Variants in GRIK4 observed in about 807,000 individuals in gnomAD.
The protein encoded by GRIK4 is glutamate ionotropic receptor kainate type subunit 4, also known as glutamate receptor ionotropic, kainate 4.
A neutral mutation model predicts 104.9 loss-of-function variants in GRIK4; 40 were observed. That is an observed-to-expected ratio of 0.38 (90% CI 0.30 to 0.50). The LOEUF is 0.50. GRIK4 is among the 20% of genes least tolerant of loss of function. The pLI, the probability that GRIK4 is intolerant of heterozygous loss-of-function variation, is 0.93. For missense variants in GRIK4, 1,047 were observed against 1,308.1 expected (o/e 0.80, Z 3.08); for synonymous variants, 485 against 524.9 (o/e 0.92, Z 1.04).
At chr11:120,537,778 A>C (rs1947992858) in intron 1 of GRIK4, among the ~76,000 whole-genome samples, 1 of 152,108 alleles carries the variant, frequency 6.6e-6, no homozygotes, top group Non-Finnish European at 1.5e-5. Context: ...CTCAGTAATG[A>C]ATGAGGGGAT....
chr11:120,736,265 G>C (rs1302520634), intron 3 of GRIK4, among the ~76,000 whole-genome samples: 1 of 152,104 alleles, frequency 6.6e-6, no homozygotes, highest in Non-Finnish European at 1.5e-5. Context: ...TCATGACTCT[G>C]CCCAGAGTCC....
intron 13 of GRIK4, among the ~76,000 whole-genome samples, chr11:120,911,843 CAA>C (rs200523419): frequency 3.2e-5 from 4 of 125,806 alleles, no homozygotes; most frequent in Admixed American, 1.6e-4. Context: ...GACTCCATCT[CAA>C]AAAAAAAAAA....
intron 13 of GRIK4, among the ~76,000 whole-genome samples, chr11:120,924,384 A>G (rs1943294365): frequency 6.6e-6 from 1 of 152,120 alleles, no homozygotes; most frequent in Non-Finnish European, 1.5e-5. Context: ...GGCAGGCTCA[A>G]CAGTGGCCAT....
intron 3 of GRIK4, among the ~76,000 whole-genome samples, chr11:120,744,190 C>T (rs1164686469): frequency 2.0e-5 from 3 of 152,142 alleles, no homozygotes; most frequent in Non-Finnish European, 4.4e-5. Flanking sequence ...ATGGGGCTGG[C>T]AGGAACATTA....
intron 1 of GRIK4, among the ~76,000 whole-genome samples, chr11:120,563,226 C>T (rs1480470968): frequency 1.3e-5 from 2 of 152,066 alleles, no homozygotes; most frequent in Admixed American, 6.5e-5. Flanking sequence ...ATTGCTTGGC[C>T]GGTAAGCACT....
rs375935273 is a variant in GRIK4 at position 120,674,196 on chromosome 11, T to C, written c.82+13796T>C. 3.6e-4 allele frequency among the ~76,000 whole-genome samples: 55 copies of C among 152,202 alleles called. 1 individual carries two copies. Among genetic ancestry groups the C allele is most frequent in the Non-Finnish European group, 1.5e-4 (10 of 68,036 alleles). ...ACCCTCCTCTAAATCAGTTTTCTTT[T>C]TTCTCCATCCTAATTAGGATGTGAT... On this transcript the variant is annotated intron_variant, in intron 3 of 20. Coordinates refer to ENST00000527524, the MANE Select transcript of GRIK4 (RefSeq NM_014619.5).
At chr11:120,609,409 C>G (rs1019667696) in intron 1 of GRIK4, among the ~76,000 whole-genome samples, 3 of 151,500 alleles carry the variant, frequency 2.0e-5, no homozygotes, top group Non-Finnish European at 4.4e-5. Flanking sequence ...TGTGCCTCCA[C>G]TCCTGGCTGT....
intron 1 of GRIK4, among the ~76,000 whole-genome samples, chr11:120,525,690 C>T (rs1210618310): frequency 1.3e-5 from 2 of 152,200 alleles, no homozygotes; most frequent in African/African-American, 4.8e-5. Flanking sequence ...TGGTTCTCCT[C>T]TGAGCAATCC....
chr11:120,517,717 T>C (rs186238714), intron 1 of GRIK4, among the ~76,000 whole-genome samples: 2 of 152,220 alleles, frequency 1.3e-5, no homozygotes. Flanking sequence ...TAAACTCTAC[T>C]TCACGGAGCT....
chr11:120,803,753 ATTATT>A (rs1318593354), intron 4 of GRIK4, among the ~76,000 whole-genome samples: 2 of 152,200 alleles, frequency 1.3e-5, no homozygotes, highest in African/African-American at 4.8e-5. Flanking sequence ...TGAGATTTAA[ATTATT>A]TTAAATACAG....
intron 3 of GRIK4, among the ~76,000 whole-genome samples, chr11:120,664,168 G>A (rs1949865603): frequency 6.6e-6 from 1 of 152,192 alleles, no homozygotes; most frequent in Non-Finnish European, 1.5e-5. Context: ...AAATGGCACT[G>A]TCTTACCTAT....
intron 3 of GRIK4, among the ~76,000 whole-genome samples, chr11:120,788,251 A>G (rs1952328732): frequency 6.6e-6 from 1 of 152,196 alleles, no homozygotes; most frequent in Non-Finnish European, 1.5e-5. Context: ...AAAATGTAGT[A>G]GCTCCAAGAT....
rs187506786 is a variant in GRIK4, at chr11:120,722,403, G to A, written c.82+62003G>A. Among the ~76,000 whole-genome samples, 14 of 152,210 alleles carry A rather than the reference G, an allele frequency of 9.2e-5. No homozygotes were observed. In the East Asian group the frequency reaches 2.5e-3, roughly 27 times the overall value. Reference sequence around the variant, plus strand: ...GGAGGCCGAGGCAGGTGGATCACTTGAGGTCAGGAGTTCTGACCAACATGG... The same window carrying A: ...GGAGGCCGAGGCAGGTGGATCACTTAAGGTCAGGAGTTCTGACCAACATGG... On this transcript the variant is annotated intron_variant, in intron 3 of 20. Coordinates refer to ENST00000527524, the MANE Select transcript of GRIK4 (RefSeq NM_014619.5).
At chr11:120,936,296 G>T in intron 13 of GRIK4, 1 of 512,352 alleles carries the variant, frequency 2.0e-6, no homozygotes, top group South Asian at 1.4e-5. Context: ...CATCACCAAT[G>T]GACAGGCCAG....
At chr11:120,551,145 A>T (rs1409619705) in intron 1 of GRIK4, among the ~76,000 whole-genome samples, 1 of 152,138 alleles carries the variant, frequency 6.6e-6, no homozygotes, top group African/African-American at 2.4e-5. Flanking sequence ...GGCAGAGAAC[A>T]TGAGATGAGA....
In GRIK4 at chr11:120,987,726, T is replaced by C. The variant is rs1944781028; in HGVS notation, c.*1466T>C. On this transcript the variant is annotated 3_prime_UTR_variant, in exon 21 of 21. Coordinates refer to ENST00000527524, the MANE Select transcript of GRIK4 (RefSeq NM_014619.5). ...GGTGACTGCTAGTGACTGCTCTCCATGTGAGAAGTTTGCAGAGTCCAGAGC... is the reference window on the plus strand; with the variant it reads ...GGTGACTGCTAGTGACTGCTCTCCACGTGAGAAGTTTGCAGAGTCCAGAGC... The C allele has an allele frequency of 1.3e-5, 2 of 152,244 alleles. No individual in the cohort carries two copies. Among genetic ancestry groups the C allele is most frequent in the Non-Finnish European group, 2.9e-5 (2 of 68,070 alleles). The allele number at this position is 152,244 out of a possible 1,614,324, so 9.4% of individuals were successfully genotyped here.
At chr11:120,551,899 A>T (rs963581298) in intron 1 of GRIK4, among the ~76,000 whole-genome samples, 11 of 152,236 alleles carry the variant, frequency 7.2e-5, no homozygotes, top group African/African-American at 2.7e-4. Flanking sequence ...GGATAGCTGA[A>T]CACGTGGCGG....
At chr11:120,626,778 T>C (rs1447257726) in intron 1 of GRIK4, among the ~76,000 whole-genome samples, 1 of 152,242 alleles carries the variant, frequency 6.6e-6, no homozygotes, top group Non-Finnish European at 1.5e-5. Flanking sequence ...CTTGCTGGAC[T>C]TCTGTGCTTT....
intron 3 of GRIK4, among the ~76,000 whole-genome samples, chr11:120,716,743 T>C (rs1161293412): frequency 6.6e-6 from 1 of 152,104 alleles, no homozygotes; most frequent in East Asian, 1.9e-4. Flanking sequence ...ACAGGAATCC[T>C]TCCAGCAGTG....
Sources: gnomAD v4.1 joint callset for allele counts (sites outside exome capture counted in the v4.1 genomes callset) on GRCh38, gnomAD v4.1.1 for gene constraint, MANE v1.5 for transcripts, NCBI Gene and HGNC (gene_info 2026-07-23, HGNC 2026-07-21) for gene names.